The following IBSP variants were observed in gnomAD, a reference collection of about 807,000 sequenced individuals.
IBSP encodes the protein integrin-binding sialoprotein.
Under a neutral mutation model 25.5 loss-of-function variants are expected in IBSP, and 19 were observed. That is an observed-to-expected ratio of 0.74 (90% CI 0.52 to 1.09). The LOEUF (loss-of-function observed/expected upper bound fraction) is 1.09. Among genes scored for constraint, IBSP ranks in the 50% least tolerant of loss-of-function variants. The pLI, the probability that IBSP is intolerant of heterozygous loss-of-function variation, is 0.00. For synonymous variants in IBSP, 144 were observed against 137.6 expected (o/e 1.05, Z -0.33); for missense variants, 360 against 382.3 (o/e 0.94, Z 0.49).
At chr4:87,807,301 C>T (rs1486105916) in intron 5 of IBSP, among the ~76,000 whole-genome samples, 2 of 152,022 alleles carry the variant, frequency 1.3e-5, no homozygotes, top group African/African-American at 4.8e-5. Context: ...CAATGATATT[C>T]AAAAATGGAT....
chr4:87,801,355 T>C (rs1722012300), intron 1 of IBSP, among the ~76,000 whole-genome samples: 1 of 147,852 alleles, frequency 6.8e-6, no homozygotes, highest in Non-Finnish European at 1.5e-5. Context: ...GGCGAAACTC[T>C]GAAGAACTCC....
chr4:87,806,080 G>A (rs540424562), intron 4 of IBSP, 42 bp from the exon 5 acceptor site: 2 of 1,411,890 alleles, frequency 1.4e-6, no homozygotes, highest in African/African-American at 1.4e-5. Context: ...GAATATATTT[G>A]TACACAGATA....
intron 4 of IBSP, among the ~76,000 whole-genome samples, chr4:87,804,775 G>T (rs1425028045): frequency 6.6e-6 from 1 of 152,194 alleles, no homozygotes; most frequent in Non-Finnish European, 1.5e-5. Flanking sequence ...AGCTTTTAAA[G>T]TGTTCTCACT....
chr4:87,807,139 C>G (rs1294587148), intron 5 of IBSP, among the ~76,000 whole-genome samples: 3 of 152,068 alleles, frequency 2.0e-5, no homozygotes, highest in Non-Finnish European at 4.4e-5. Context: ...ATCTACATGT[C>G]TTGGAAATTG....
intron 5 of IBSP, among the ~76,000 whole-genome samples, chr4:87,808,130 G>T (rs1490485126): frequency 6.6e-6 from 1 of 151,922 alleles, no homozygotes; most frequent in Non-Finnish European, 1.5e-5. Context: ...TTTCTATTTG[G>T]TGATCACACA....
chr4:87,807,848 C>A (rs2110057616), intron 5 of IBSP, among the ~76,000 whole-genome samples: 1 of 152,318 alleles, frequency 6.6e-6, no homozygotes, highest in Non-Finnish European at 1.5e-5. Flanking sequence ...AGTTTTATAT[C>A]TCTTCATGCT....
In IBSP at chr4:87,809,206, C is replaced by T. The variant is rs1203180165; in HGVS notation, c.247-1400C>T. ...TTCTATCCAATAAAATTTGTGAAGC[C>T]TCATACCCATCAACAGTAACCTATT... On this transcript the variant is annotated intron_variant, in intron 5 of 6. Coordinates refer to ENST00000226284, the MANE Select transcript of IBSP (RefSeq NM_004967.4). Among the ~76,000 whole-genome samples, 3 of 152,136 alleles carry T rather than the reference C, an allele frequency of 2.0e-5. No individual in the cohort carries two copies. In the East Asian group the frequency reaches 5.8e-4, roughly 29 times the overall value.
intron 1 of IBSP, 63 bp from the exon 2 acceptor site, chr4:87,802,285 G>A (rs956365494): frequency 3.2e-6 from 3 of 940,702 alleles, no homozygotes; most frequent in South Asian, 1.5e-5. Context: ...CTTTGAATAT[G>A]AGTAAAAAAG....
chr4:87,807,898 A>G (rs533881570), intron 5 of IBSP, among the ~76,000 whole-genome samples: 1 of 152,312 alleles, frequency 6.6e-6, no homozygotes, highest in African/African-American at 2.4e-5. Flanking sequence ...TGCCCAGTAC[A>G]TATCTGGTGG....
In IBSP at chr4:87,810,539, A is replaced by G. The variant is rs370409954; in HGVS notation, c.247-67A>G. The G allele has an allele frequency of 7.0e-5, 86 of 1,232,956 alleles. No homozygotes were observed. In the African/African-American group the frequency reaches 1.1e-3, roughly 15 times the overall value. The allele number at this position is 1,232,956 out of a possible 1,614,324, so 76.4% of individuals were successfully genotyped here. A position where few individuals can be genotyped will look rare whatever the true frequency, so the allele number is the denominator to read the frequency against. On this transcript the variant is annotated intron_variant, in intron 5 of 6. Transcript: ENST00000226284. ...AATAAACCTTCAATAAATGATTCAC[A>G]GCTCCAGTAAATCTTGAACTATCTT...
At chr4:87,811,233 A>G in intron 6 of IBSP, 129 bp from the exon 7 acceptor site, 1 of 1,053,838 alleles carries the variant, frequency 9.5e-7, no homozygotes, top group Non-Finnish European at 1.4e-6. Context: ...CATTTTGTAA[A>G]TTAAAGTGGC....
In IBSP at chr4:87,811,754, G is replaced by A. The variant is rs376210877; in HGVS notation, c.798G>A (p.Thr266=). ...AATACGAGGGGGAGTACGAATACAC[G>A]GGCGCCAATGAATACGACAATGGAT... ...TVEYEGEYEY[T]GANEYDNGYE... The change falls in exon 7 of 7, where the codon ACG becomes ACA. Residue 266 remains threonine, a synonymous_variant. Coordinates refer to ENST00000226284, the MANE Select transcript of IBSP (RefSeq NM_004967.4). 1.2e-6 allele frequency: 2 copies of A among 1,613,810 alleles called. No individual in the cohort carries two copies. Among genetic ancestry groups the A allele is most frequent in the South Asian group, 1.1e-5 (1 of 91,020 alleles).
Position 87,811,363 on chromosome 4 carries a change from C to A in IBSP, c.407C>A (p.Ala136Asp). Residue 136 changes from alanine (A) to aspartate (D), a missense_variant and splice_region_variant, in exon 7 of 7, where the codon GCT becomes GAT. Ala to Asp is a moderately radical substitution (Grantham distance 126, BLOSUM62 -2). Transcript: ENST00000226284. ...GTTCTTTCAAACGTTTCCTTACAGG[C>A]TGGGGATATAACAAATAAAGCTACA... ...GLAAIQLPKK[A>D]GDITNKATKE... 6.2e-7 allele frequency: 1 copy of A among 1,602,032 alleles called. No individual in the cohort carries two copies. The highest frequency in any genetic ancestry group is 8.5e-7 in the Non-Finnish European group (1 of 1,175,914).
intron 5 of IBSP, among the ~76,000 whole-genome samples, 174 bp downstream of exon 5, chr4:87,806,358 C>T (rs1722089668): frequency 6.6e-6 from 1 of 152,140 alleles, no homozygotes; most frequent in Middle Eastern, 3.2e-3. Flanking sequence ...CTAACATGAC[C>T]TGTTTAAAAC....
intron 4 of IBSP, among the ~76,000 whole-genome samples, chr4:87,804,344 T>G (rs1202927188): frequency 6.6e-6 from 1 of 152,160 alleles, no homozygotes; most frequent in Non-Finnish European, 1.5e-5. Context: ...AAATCTGCAT[T>G]TATATACAAT....
chr4:87,805,970 T>C, intron 4 of IBSP, 152 bp from the exon 5 acceptor site: 1 of 641,896 alleles, frequency 1.6e-6, no homozygotes, highest in Admixed American at 3.1e-5. Flanking sequence ...AATCTGTTCT[T>C]AGTAAACAAG....
chr4:87,809,598 C>T (rs980852413), intron 5 of IBSP, among the ~76,000 whole-genome samples: 1 of 152,110 alleles, frequency 6.6e-6, no homozygotes, highest in Non-Finnish European at 1.5e-5. Context: ...GTATTGCAAC[C>T]CTTCACTGAA....
At position 87,811,437 on chromosome 4, in the gene IBSP, G is replaced by A. The variant is rs927151439; in HGVS notation, c.481G>A (p.Glu161Lys). Residue 161 changes from glutamate to lysine, a missense_variant, in exon 7 of 7, where the codon GAA (glutamate) becomes AAA (lysine). Physicochemically the swap from Glu to Lys is moderately conservative, Grantham distance 56. Transcript: ENST00000226284. The stretch of plus-strand genomic sequence containing the variant: ...AGAAGAGGAGGAAGAGGAAGGAAAT[G>A]AAAACGAAGAAAGCGAAGCAGAAGT... Reference protein sequence around the residue: ...EEEEEEEEGNENEESEAEVDE... With the variant: ...EEEEEEEEGNKNEESEAEVDE... 6.2e-7 allele frequency: 1 copy of A among 1,613,708 alleles called. No homozygotes were observed. The highest frequency in any genetic ancestry group is 8.5e-7 in the Non-Finnish European group (1 of 1,179,816).
At position 87,812,148 on chromosome 4, in the gene IBSP, T is replaced by G. The variant is rs898003228; in HGVS notation, c.*238T>G. 1 of 398,430 alleles carries G rather than the reference T, an allele frequency of 2.5e-6. No homozygotes were observed. Among genetic ancestry groups the G allele is most frequent in the Non-Finnish European group, 4.4e-6 (1 of 227,496 alleles). 24.7% of individuals were successfully genotyped at this position (398,430 alleles called of 1,614,324 possible). A position where few individuals can be genotyped will look rare whatever the true frequency, so the allele number is the denominator to read the frequency against. ...ACCATTTATCAAGCAGTACACCAACTCATAAGATCAAATTTCATTGAATGG... is the reference window on the plus strand; with the variant it reads ...ACCATTTATCAAGCAGTACACCAACGCATAAGATCAAATTTCATTGAATGG... On this transcript the variant is annotated 3_prime_UTR_variant, in exon 7 of 7. Transcript: ENST00000226284.
Sources: allele counts gnomAD v4.1 joint callset (sites outside exome capture counted in the v4.1 genomes callset), GRCh38; gene constraint gnomAD v4.1.1; transcripts MANE v1.5; gene names NCBI Gene and HGNC (gene_info 2026-07-23, HGNC 2026-07-21).